Variants in LIPI observed in about 807,000 individuals in gnomAD.
The protein encoded by LIPI is lipase I.
LIPI carries 59 observed loss-of-function variants against 50.6 expected under a neutral mutation model. The ratio of observed to expected loss-of-function variants is 1.16; its 90% CI spans 0.94 to 1.45. The LOEUF (loss-of-function observed/expected upper bound fraction) is 1.45, where lower values mean the gene tolerates loss of function less well. LIPI is among the 40% of genes most tolerant of loss of function. The pLI, the probability that LIPI is intolerant of heterozygous loss-of-function variation, is 0.00. For synonymous variants in LIPI, 203 were observed against 178.2 expected (o/e 1.14, Z -1.11); for missense variants, 586 against 536.3 (o/e 1.09, Z -0.92).
intron 4 of LIPI, among the ~76,000 whole-genome samples, chr21:14,177,045 T>C (rs978949751): frequency 3.3e-5 from 5 of 152,150 alleles, no homozygotes; most frequent in African/African-American, 7.2e-5. Context: ...ATTAGATCAA[T>C]TGTGTTAATT....
intron 1 of LIPI, among the ~76,000 whole-genome samples, chr21:14,192,585 T>G (rs780514876): frequency 2.0e-5 from 3 of 152,162 alleles, no homozygotes; most frequent in African/African-American, 4.8e-5. Flanking sequence ...CTACTAGATT[T>G]AGGAATAGAA....
At chr21:14,191,433 T>C (rs1303070368) in intron 1 of LIPI, among the ~76,000 whole-genome samples, 1 of 147,138 alleles carries the variant, frequency 6.8e-6, no homozygotes, top group Non-Finnish European at 1.5e-5. Context: ...TGAAACAAAA[T>C]GATGAAATTA....
intron 2 of LIPI, 70 bp from the exon 3 acceptor site, chr21:14,186,139 T>A: frequency 1.2e-6 from 1 of 854,664 alleles, no homozygotes; most frequent in African/African-American, 1.7e-5. Context: ...CCCCCTCATA[T>A]ATCGACATTT....
intron 9 of LIPI, among the ~76,000 whole-genome samples, chr21:14,112,122 T>G (rs1000411832): frequency 1.3e-5 from 2 of 152,110 alleles, no homozygotes; most frequent in African/African-American, 4.8e-5. Context: ...TCTTGGAACC[T>G]TTGTTGAAAA....
Position 14,186,056 on chromosome 21 carries a change from G to T in LIPI, c.446C>A (p.Ser149Tyr). 1 of 1,582,016 alleles carries T rather than the reference G, an allele frequency of 6.3e-7. No individual in the cohort carries two copies. Among genetic ancestry groups the T allele is most frequent in the Non-Finnish European group, 8.7e-7 (1 of 1,151,026 alleles). Reference protein sequence around the residue: ...HIKNLLKHGASLDNFHFIGVS... With the variant: ...HIKNLLKHGAYLDNFHFIGVS... ...ACCTATGAAATGAAAATTGTCAAGA[G>T]ATGCACCATGCTTCTGCAATTAAAG... The change falls in exon 3 of 10, where the codon TCT becomes TAT. Residue 149 changes from serine to tyrosine, a missense_variant. Transcript: ENST00000681601.
intron 7 of LIPI, among the ~76,000 whole-genome samples, chr21:14,154,064 A>G (rs76703214): frequency 0.031 from 4,642 of 152,182 alleles, 218 homozygotes; most frequent in African/African-American, 0.11. Flanking sequence ...TTTTTATATC[A>G]AAGATAGACA....
chr21:14,135,093 G>A (rs1276889156), intron 9 of LIPI, among the ~76,000 whole-genome samples: 1 of 152,042 alleles, frequency 6.6e-6, no homozygotes, highest in African/African-American at 2.4e-5. Context: ...AGCTCAAAAA[G>A]CAAAATAATA....
intron 9 of LIPI, among the ~76,000 whole-genome samples, chr21:14,121,113 G>GGCC (rs2016845536): frequency 6.6e-6 from 1 of 152,152 alleles, no homozygotes; most frequent in South Asian, 2.1e-4. Flanking sequence ...AAAGGCATGA[G>GGCC]AAATAACCAG....
At position 14,165,232 on chromosome 21, in the gene LIPI, G is replaced by C. The variant is rs760547050; in HGVS notation, c.892C>G (p.Pro298Ala). 7.5e-6 allele frequency: 12 copies of C among 1,606,414 alleles called. No individual in the cohort carries two copies. In the Admixed American group the frequency reaches 2.0e-4, roughly 27 times the overall value. ...DCDCFKEKSCPRLGYQAKLFK... is the reference protein window; with the variant it reads ...DCDCFKEKSCARLGYQAKLFK... Reference sequence around the variant, plus strand: ...TAATAATCTCTCTTACCCAGCCGAGGACATGATTTTTCCTTAAAACAGTCA... The same window carrying C: ...TAATAATCTCTCTTACCCAGCCGAGCACATGATTTTTCCTTAAAACAGTCA... Residue 298 changes from proline to alanine, a missense_variant, in exon 6 of 10, where the codon CCT becomes GCT. Coordinates refer to ENST00000681601, the MANE Select transcript of LIPI (RefSeq NM_001302998.2).
In LIPI at chr21:14,117,670, A is replaced by G. The variant is rs999905081; in HGVS notation, c.1296-8590T>C. Among the ~76,000 whole-genome samples the G allele has an allele frequency of 1.2e-4, 19 of 152,300 alleles. 2 individuals carry two copies. The highest frequency in any genetic ancestry group is 1.2e-3 in the South Asian group (6 of 4,828). On this transcript the variant is annotated intron_variant, in intron 9 of 9. Transcript: ENST00000681601. The stretch of plus-strand genomic sequence containing the variant: ...GCCTTGTGAGGCTTACTGACTCTAC[A>G]CACCTTTTGACCCAGAAGTGGCAGG...
chr21:14,138,970 C>T (rs2017607544), intron 9 of LIPI, among the ~76,000 whole-genome samples: 1 of 151,948 alleles, frequency 6.6e-6, no homozygotes, highest in Non-Finnish European at 1.5e-5. Flanking sequence ...GAAAATGAGG[C>T]ACAGAAAGGT....
intron 5 of LIPI, 67 bp from the exon 6 acceptor site, chr21:14,165,457 C>CTTCATCTTTACTTTGTTTTT: frequency 8.2e-7 from 1 of 1,217,070 alleles, no homozygotes; most frequent in Non-Finnish European, 1.2e-6. Context: ...CATTTAAAAA[C>CTTCATCTTTACTTTGTTTTT]AAAGTAAAGA....
intron 1 of LIPI, among the ~76,000 whole-genome samples, chr21:14,192,902 T>C (rs929008858): frequency 6.6e-6 from 1 of 152,152 alleles, no homozygotes; most frequent in African/African-American, 2.4e-5. Context: ...GACAAGTAAC[T>C]AGAAGTCATA....
At chr21:14,154,071 G>A (rs1295477257) in intron 7 of LIPI, among the ~76,000 whole-genome samples, 1 of 152,012 alleles carries the variant, frequency 6.6e-6, no homozygotes, top group Non-Finnish European at 1.5e-5. Flanking sequence ...ATCAAAGATA[G>A]ACATGAATCT....
chr21:14,144,527 A>G (rs1286833968), intron 9 of LIPI, 96 bp downstream of exon 9: 1 of 660,016 alleles, frequency 1.5e-6, no homozygotes. Flanking sequence ...CAATAAACAG[A>G]TATTTGAATA....
Position 14,191,354 on chromosome 21 carries a change from G to T in LIPI, c.47-1935C>A, listed in dbSNP as rs550102412. Among the ~76,000 whole-genome samples the T allele has an allele frequency of 8.3e-5, 12 of 145,446 alleles. No homozygotes were observed. In the South Asian group the frequency reaches 2.7e-3, roughly 32 times the overall value. On this transcript the variant is annotated intron_variant, in intron 1 of 9. Transcript: ENST00000681601. The stretch of plus-strand genomic sequence containing the variant: ...ATCCCGCCACTGCACTCCAGCCTGG[G>T]CGACAGAGCAAGACTCCGTCTCAAA...
At chr21:14,164,338 A>G (rs1321435552) in intron 6 of LIPI, among the ~76,000 whole-genome samples, 1 of 152,138 alleles carries the variant, frequency 6.6e-6, no homozygotes. Context: ...AGCAATCCAC[A>G]ACAGGAGGTC....
At chr21:14,144,471 C>A in intron 9 of LIPI, 152 bp downstream of exon 9, 1 of 467,260 alleles carries the variant, frequency 2.1e-6, no homozygotes, top group South Asian at 5.0e-5. Flanking sequence ...AACCTTTATA[C>A]CTTTTTGAGA....
chr21:14,109,647 C>A (rs1026430950), intron 9 of LIPI, among the ~76,000 whole-genome samples: 3 of 151,944 alleles, frequency 2.0e-5, no homozygotes, highest in Non-Finnish European at 2.9e-5. Context: ...TTTCTTTTTT[C>A]TGCAATAGAC....
Sources: gnomAD v4.1 joint callset for allele counts (sites outside exome capture counted in the v4.1 genomes callset) on GRCh38, gnomAD v4.1.1 for gene constraint, MANE v1.5 for transcripts, NCBI Gene and HGNC (gene_info 2026-07-23, HGNC 2026-07-21) for gene names.